Variants in GRIK2 observed in about 807,000 individuals in gnomAD.
GRIK2 encodes glutamate receptor ionotropic, kainate 2.
A neutral mutation model predicts 100.3 loss-of-function variants in GRIK2; 32 were observed. The observed-to-expected ratio is 0.32, with a 90% CI of 0.24 to 0.43. The LOEUF is 0.43. GRIK2 is among the 20% of genes least tolerant of loss of function. The pLI is 1.00. For synonymous variants in GRIK2, 417 were observed against 389.4 expected (o/e 1.07, Z -0.83); for missense variants, 843 against 1,114.9 (o/e 0.76, Z 3.47).
At position 101,586,089 on chromosome 6, in the gene GRIK2, T is replaced by C. The variant is rs142426015; in HGVS notation, c.116-35860T>C. Among the ~76,000 whole-genome samples the C allele has an allele frequency of 9.1e-3, 1,383 of 152,088 alleles. 17 individuals carry two copies. Among genetic ancestry groups the C allele is most frequent in the Middle Eastern group, 0.041 (12 of 294 alleles). ...TTAGGGTTGAGGTTTGGGAGTTTAG[T>C]CCTGAAGCTGGGCGCCTACACCTAG... On this transcript the variant is annotated intron_variant, in intron 2 of 16. Coordinates refer to ENST00000369134, the MANE Select transcript of GRIK2 (RefSeq NM_021956.5).
At position 101,652,647 on chromosome 6, in the gene GRIK2, C is replaced by T. The variant is rs553910783; in HGVS notation, c.542-23976C>T. Among the ~76,000 whole-genome samples the T allele has an allele frequency of 5.9e-5, 9 of 152,122 alleles. No homozygotes were observed. In the South Asian group the frequency reaches 1.9e-3, roughly 32 times the overall value. ...AACTTAATTAAAATTAAATAAATAA[C>T]AGTATGTTTATATTCTGCTGGGAAT... On this transcript the variant is annotated intron_variant, in intron 4 of 16. Coordinates refer to ENST00000369134, the MANE Select transcript of GRIK2 (RefSeq NM_021956.5).
chr6:101,659,421 G>C (rs1041978088), intron 4 of GRIK2, among the ~76,000 whole-genome samples: 3 of 152,114 alleles, frequency 2.0e-5, no homozygotes, highest in African/African-American at 7.2e-5. Flanking sequence ...TAGCCTTTTA[G>C]TATAGTTTGA....
intron 7 of GRIK2, chr6:101,744,564 ATTTC>A (rs1776305061): frequency 1.0e-5 from 1 of 97,008 alleles, no homozygotes; most frequent in Non-Finnish European, 2.1e-5. Context: ...ATATATCACA[ATTTC>A]TTTTTCTTTT....
intron 14 of GRIK2, among the ~76,000 whole-genome samples, chr6:101,958,202 T>A (rs1792059765): frequency 6.6e-6 from 1 of 151,528 alleles, no homozygotes; most frequent in Non-Finnish European, 1.5e-5. Context: ...ATGTTTTGTA[T>A]TTTTTCTTTT....
intron 2 of GRIK2, among the ~76,000 whole-genome samples, chr6:101,435,638 T>A (rs1031436767): frequency 2.0e-5 from 3 of 152,128 alleles, no homozygotes; most frequent in Non-Finnish European, 4.4e-5. Context: ...TATCTCTAGT[T>A]GTGTCTTCTT....
At chr6:101,458,537 T>A (rs1771128638) in intron 2 of GRIK2, among the ~76,000 whole-genome samples, 1 of 152,178 alleles carries the variant, frequency 6.6e-6, no homozygotes, top group African/African-American at 2.4e-5. Context: ...TTGAGAGGCT[T>A]TGATGTAACT....
intron 4 of GRIK2, among the ~76,000 whole-genome samples, chr6:101,648,558 T>A (rs1276068558): frequency 6.6e-6 from 1 of 152,098 alleles, no homozygotes; most frequent in African/African-American, 2.4e-5. Context: ...TTTTTTAGTT[T>A]TTTTTAAAGT....
At chr6:101,470,222 C>T (rs1007038193) in intron 2 of GRIK2, among the ~76,000 whole-genome samples, 5 of 152,164 alleles carry the variant, frequency 3.3e-5, no homozygotes, top group Admixed American at 2.0e-4. Flanking sequence ...GGACTACCCA[C>T]GTTAGCAGCT....
intron 14 of GRIK2, among the ~76,000 whole-genome samples, chr6:101,950,186 A>G (rs1345585267): frequency 1.3e-5 from 2 of 152,088 alleles, no homozygotes; most frequent in African/African-American, 2.4e-5. Context: ...GGACTACAAA[A>G]TGTGTTTCCA....
intron 2 of GRIK2, among the ~76,000 whole-genome samples, chr6:101,603,359 C>G (rs1388598759): frequency 1.3e-5 from 2 of 151,584 alleles, no homozygotes; most frequent in Non-Finnish European, 3.0e-5. Flanking sequence ...GAAGTATGAG[C>G]TGGTGGATAA....
intron 11 of GRIK2, among the ~76,000 whole-genome samples, chr6:101,873,564 A>G (rs1343360484): frequency 6.6e-6 from 1 of 151,982 alleles, no homozygotes; most frequent in East Asian, 1.9e-4. Context: ...ATACATGTGC[A>G]TGTTTCTTTA....
chr6:101,699,109 A>G (rs1033425849), intron 7 of GRIK2, among the ~76,000 whole-genome samples: 2 of 152,138 alleles, frequency 1.3e-5, no homozygotes, highest in Non-Finnish European at 2.9e-5. Flanking sequence ...AGAGAATTTC[A>G]TAGCTGCTGC....
At position 101,912,930 on chromosome 6, in the gene GRIK2, A is replaced by G. The variant is rs1200713862; in HGVS notation, c.1749-11671A>G. On this transcript the variant is annotated intron_variant, in intron 12 of 16. Transcript: ENST00000369134. The stretch of plus-strand genomic sequence containing the variant: ...TAAAAATTCTTTATCTTTATAGGTT[A>G]ATAATCATTCTGATATTTTGTTTAT... Among the ~76,000 whole-genome samples, 3 of 151,610 alleles carry G rather than the reference A, an allele frequency of 2.0e-5. No homozygotes were observed. In the East Asian group the frequency reaches 5.8e-4, roughly 29 times the overall value.
intron 9 of GRIK2, among the ~76,000 whole-genome samples, chr6:101,815,957 C>T (rs1211650582): frequency 6.6e-6 from 1 of 152,010 alleles, no homozygotes; most frequent in African/African-American, 2.4e-5. Context: ...TCATCTGTGT[C>T]AGAACTCCAA....
At chr6:101,500,468 CTTT>C (rs1210053887) in intron 2 of GRIK2, among the ~76,000 whole-genome samples, 1 of 152,014 alleles carries the variant, frequency 6.6e-6, no homozygotes, top group Non-Finnish European at 1.5e-5. Flanking sequence ...AGTTAACTAA[CTTT>C]TAAGTTAACG....
At chr6:101,774,210 G>GA (rs1405917070) in intron 7 of GRIK2, among the ~76,000 whole-genome samples, 1 of 151,802 alleles carries the variant, frequency 6.6e-6, no homozygotes, top group Non-Finnish European at 1.5e-5. Context: ...CCCAAATTTA[G>GA]AAAAAAATCA....
chr6:101,897,975 G>A (rs919921110), intron 12 of GRIK2, among the ~76,000 whole-genome samples: 3 of 151,826 alleles, frequency 2.0e-5, no homozygotes, highest in African/African-American at 7.2e-5. Context: ...GTACCAGAGT[G>A]GTGGGTCAGG....
chr6:101,768,496 A>G (rs1158890651), intron 7 of GRIK2, among the ~76,000 whole-genome samples: 2 of 152,160 alleles, frequency 1.3e-5, no homozygotes, highest in Non-Finnish European at 1.5e-5. Flanking sequence ...TAGAAATGTT[A>G]TGGATTCTCT....
intron 11 of GRIK2, among the ~76,000 whole-genome samples, chr6:101,876,813 T>G (rs1461149690): frequency 1.3e-5 from 2 of 151,912 alleles, no homozygotes; most frequent in East Asian, 3.9e-4. Context: ...AAGAACTTTT[T>G]GATTTATAAT....
Sources: gnomAD v4.1 joint callset for allele counts (sites outside exome capture counted in the v4.1 genomes callset) on GRCh38, gnomAD v4.1.1 for gene constraint, MANE v1.5 for transcripts, NCBI Gene and HGNC (gene_info 2026-07-23, HGNC 2026-07-21) for gene names.